Variants in CADM2 observed in about 807,000 individuals in gnomAD.
The protein encoded by CADM2 is immunoglobulin superfamily member 4D.
CADM2 carries 12 observed loss-of-function variants against 49.8 expected under a neutral mutation model. That is an observed-to-expected ratio of 0.24 (90% CI 0.15 to 0.39). The LOEUF (loss-of-function observed/expected upper bound fraction) is 0.39. Among genes scored for constraint, CADM2 ranks in the 10% least tolerant of loss-of-function variants. CADM2 has a pLI of 1.00. For synonymous variants in CADM2, 214 were observed against 175.4 expected (o/e 1.22, Z -1.74); for missense variants, 378 against 492.3 (o/e 0.77, Z 2.20).
At chr3:85,948,684 A>T (rs1468223231) in intron 7 of CADM2, among the ~76,000 whole-genome samples, 1 of 151,448 alleles carries the variant, frequency 6.6e-6, no homozygotes, top group African/African-American at 2.4e-5. Context: ...ACTCAAACGT[A>T]TAGAAGCTTC....
rs58472713 is a variant in CADM2, at chr3:85,637,621, A to AAATAAAAT, written c.62-88899_62-88898insTAAAATAA. ...GAGACTCCGTCTCAAAAAAAAAAAA[A>AAATAAAAT]AAAATAAAATAAAATAAATAAATAA... On this transcript the variant is annotated intron_variant, in intron 1 of 9. Transcript: ENST00000383699. Among the ~76,000 whole-genome samples the AAATAAAAT allele has an allele frequency of 5.6e-3, 638 of 114,480 alleles. 27 individuals are homozygous for AAATAAAAT. Among genetic ancestry groups the AAATAAAAT allele is most frequent in the African/African-American group, 0.022 (583 of 26,672 alleles). The allele number at this position is 114,480 out of a possible 152,430, so 75.1% of individuals were successfully genotyped here. A position where few individuals can be genotyped will look rare whatever the true frequency, so the allele number is the denominator to read the frequency against.
At chr3:85,572,397 T>C (rs565933466) in intron 1 of CADM2, among the ~76,000 whole-genome samples, 1 of 152,170 alleles carries the variant, frequency 6.6e-6, no homozygotes, top group Non-Finnish European at 1.5e-5. Context: ...AACATACTTA[T>C]ATGTAAATGC....
intron 1 of CADM2, among the ~76,000 whole-genome samples, chr3:85,610,937 C>T (rs1309612435): frequency 1.3e-5 from 2 of 151,852 alleles, no homozygotes; most frequent in South Asian, 2.1e-4. Context: ...TCATATACTC[C>T]GTTCTCTGGA....
chr3:85,444,959 T>C (rs1400637654), intron 1 of CADM2, among the ~76,000 whole-genome samples: 1 of 152,136 alleles, frequency 6.6e-6, no homozygotes, highest in Non-Finnish European at 1.5e-5. Flanking sequence ...TTTAGAACAG[T>C]GTCTAGAGCA....
chr3:85,113,686 G>A (rs1174115171), intron 1 of CADM2, among the ~76,000 whole-genome samples: 7 of 136,584 alleles, frequency 5.1e-5, no homozygotes, highest in East Asian at 2.2e-4. Context: ...TTATTCATTC[G>A]TTTTTTTTTT....
At chr3:85,495,883 C>T (rs1225157810) in intron 1 of CADM2, among the ~76,000 whole-genome samples, 1 of 152,030 alleles carries the variant, frequency 6.6e-6, no homozygotes, top group Non-Finnish European at 1.5e-5. Flanking sequence ...TCCCACTAGG[C>T]GCCAATCACG....
intron 1 of CADM2, among the ~76,000 whole-genome samples, chr3:85,410,684 G>C (rs993503440): frequency 1.3e-5 from 2 of 152,140 alleles, no homozygotes; most frequent in Non-Finnish European, 2.9e-5. Context: ...GCTACAACAA[G>C]TTATTGGCTA....
At chr3:85,085,326 C>T (rs2037326008) in intron 1 of CADM2, among the ~76,000 whole-genome samples, 1 of 152,036 alleles carries the variant, frequency 6.6e-6, no homozygotes, top group African/African-American at 2.4e-5. Context: ...TCATTCAGTG[C>T]CAGCTTGTTT....
chr3:85,549,050 G>T (rs1420805618), intron 1 of CADM2, among the ~76,000 whole-genome samples: 10 of 152,162 alleles, frequency 6.6e-5, no homozygotes, highest in African/African-American at 2.2e-4. Flanking sequence ...AGAAAACCTG[G>T]TCCTATGAAG....
intron 1 of CADM2, among the ~76,000 whole-genome samples, chr3:85,708,572 G>A (rs763378260): frequency 6.6e-6 from 1 of 152,106 alleles, no homozygotes; most frequent in Non-Finnish European, 1.5e-5. Flanking sequence ...AACAGTGTAA[G>A]CAAAATGGAT....
At chr3:85,839,901 A>G (rs2074567483) in intron 3 of CADM2, among the ~76,000 whole-genome samples, 1 of 151,910 alleles carries the variant, frequency 6.6e-6, no homozygotes, top group Admixed American at 6.6e-5. Flanking sequence ...TACGGGTAAT[A>G]AAAGAGGAAC....
chr3:85,841,745 G>T (rs560046697), intron 3 of CADM2, among the ~76,000 whole-genome samples: 87 of 152,024 alleles, frequency 5.7e-4, no homozygotes, highest in African/African-American at 2.0e-3. Context: ...CAACAAATAT[G>T]CTATATAGCA....
intron 1 of CADM2, among the ~76,000 whole-genome samples, chr3:85,645,225 C>A (rs535910660): frequency 6.6e-6 from 1 of 151,846 alleles, no homozygotes; most frequent in Admixed American, 6.6e-5. Flanking sequence ...TTCCCCATAT[C>A]ATTTAGTTGT....
chr3:85,352,347 G>A (rs533657526), intron 1 of CADM2, among the ~76,000 whole-genome samples: 4 of 152,164 alleles, frequency 2.6e-5, no homozygotes, highest in Admixed American at 2.0e-4. Flanking sequence ...ACTTTAGGAG[G>A]ACTATCTTGC....
At chr3:84,981,212 G>C (rs1372528079) in intron 1 of CADM2, among the ~76,000 whole-genome samples, 1 of 145,262 alleles carries the variant, frequency 6.9e-6, no homozygotes, top group Admixed American at 7.3e-5. Flanking sequence ...GCACCTATGA[G>C]TGAGAATATG....
At chr3:85,835,490 C>A (rs1487521914) in intron 3 of CADM2, among the ~76,000 whole-genome samples, 1 of 150,988 alleles carries the variant, frequency 6.6e-6, no homozygotes, top group Non-Finnish European at 1.5e-5. Context: ...AGAACTACAG[C>A]TCTTAGTTTG....
intron 2 of CADM2, among the ~76,000 whole-genome samples, chr3:85,762,058 T>C (rs1007970129): frequency 1.3e-5 from 2 of 152,116 alleles, no homozygotes; most frequent in Admixed American, 6.6e-5. Context: ...GAATAATTTA[T>C]TGGGGTTAGA....
intron 5 of CADM2, among the ~76,000 whole-genome samples, chr3:85,897,101 A>G (rs907945214): frequency 6.6e-6 from 1 of 152,076 alleles, no homozygotes; most frequent in African/African-American, 2.4e-5. Context: ...CTAAAGTAGT[A>G]AATTTAGAAA....
chr3:84,992,648 TAAAC>T (rs2032957803), intron 1 of CADM2, among the ~76,000 whole-genome samples: 3 of 152,080 alleles, frequency 2.0e-5, no homozygotes, highest in Non-Finnish European at 4.4e-5. Flanking sequence ...CAAAAATTAA[TAAAC>T]AAATAACTAG....
Sources: allele counts gnomAD v4.1 joint callset (sites outside exome capture counted in the v4.1 genomes callset), GRCh38; gene constraint gnomAD v4.1.1; transcripts MANE v1.5; gene names NCBI Gene and HGNC (gene_info 2026-07-23, HGNC 2026-07-21).